SLC9B2: variants seen among roughly 807,000 people sequenced by gnomAD.
SLC9B2 encodes sodium/hydrogen exchanger 9B2.
In SLC9B2, 39 loss-of-function variants were observed where a neutral mutation model predicts 52.2. The observed-to-expected ratio is 0.75, with a 90% CI of 0.58 to 0.98. The LOEUF is 0.98. Among genes scored for constraint, SLC9B2 ranks in the 50% least tolerant of loss-of-function variants. SLC9B2 has a pLI of 0.00. For synonymous variants in SLC9B2, 214 were observed against 227.0 expected, an observed-to-expected ratio of 0.94 and a Z score of 0.51; for missense variants, 626 against 637.5, an observed-to-expected ratio of 0.98 and a Z score of 0.19.
chr4:103,051,507 G>A (rs956293413), intron 4 of SLC9B2, among the ~76,000 whole-genome samples: 12 of 152,222 alleles, frequency 7.9e-5, no homozygotes, highest in African/African-American at 2.9e-4. Context: ...AGTCTCGTAA[G>A]TTCTGAATGC....
intron 4 of SLC9B2, among the ~76,000 whole-genome samples, chr4:103,056,694 AC>A (rs1294333532): frequency 2.6e-5 from 4 of 152,246 alleles, no homozygotes; most frequent in African/African-American, 9.6e-5. Flanking sequence ...CAAATATACA[AC>A]CATCTTCACT....
intron 9 of SLC9B2, among the ~76,000 whole-genome samples, chr4:103,041,215 T>C (rs1227062778): frequency 6.6e-6 from 1 of 152,190 alleles, no homozygotes; most frequent in East Asian, 1.9e-4. Context: ...TATAACTATA[T>C]ATAAAGGAAT....
At position 103,065,967 on chromosome 4, in the gene SLC9B2, C is replaced by G. The variant is rs1746086971; in HGVS notation, c.271+360G>C. ...GCTGTGTTTGCTAAAATATTACTTG[C>G]ATTACTTAACAGTAATAACAACAAA... On this transcript the variant is annotated intron_variant, in intron 3 of 11. Coordinates refer to ENST00000394785, the MANE Select transcript of SLC9B2 (RefSeq NM_178833.7). 2.0e-5 allele frequency among the ~76,000 whole-genome samples: 3 copies of G among 152,188 alleles called. No homozygotes were observed. The South Asian group carries it at 6.2e-4, about 31-fold the overall frequency.
chr4:103,036,871 A>C (rs80256936), intron 9 of SLC9B2, among the ~76,000 whole-genome samples: 1 of 152,178 alleles, frequency 6.6e-6, no homozygotes, highest in Admixed American at 6.5e-5. Flanking sequence ...TTTGGATGAC[A>C]TTTCAATGCT....
At chr4:103,047,393 T>G (rs1374750879) in intron 6 of SLC9B2, among the ~76,000 whole-genome samples, 167 bp from the exon 7 acceptor site, 2 of 152,162 alleles carry the variant, frequency 1.3e-5, no homozygotes, top group Non-Finnish European at 2.9e-5. Context: ...TTTTGTTTTT[T>G]TTTCTTTTTT....
chr4:103,071,938 A>G (rs974198844), intron 1 of SLC9B2, among the ~76,000 whole-genome samples: 2 of 152,152 alleles, frequency 1.3e-5, no homozygotes, highest in African/African-American at 4.8e-5. Context: ...AGGTAACTTA[A>G]TAACACCTGC....
chr4:103,072,804 T>C (rs1409314231), intron 1 of SLC9B2, among the ~76,000 whole-genome samples: 1 of 152,206 alleles, frequency 6.6e-6, no homozygotes, highest in Non-Finnish European at 1.5e-5. Context: ...TATTGCTTGC[T>C]ATGGCTTGAA....
intron 6 of SLC9B2, chr4:103,048,685 T>C (rs1487516823): frequency 3.9e-6 from 2 of 515,732 alleles, no homozygotes. Context: ...TCTTCAACAG[T>C]TTGAATAGTA....
At chr4:103,034,773 A>G (rs1283630177) in intron 9 of SLC9B2, among the ~76,000 whole-genome samples, 1 of 152,162 alleles carries the variant, frequency 6.6e-6, no homozygotes, top group African/African-American at 2.4e-5. Flanking sequence ...ATCAGTCAGG[A>G]TGGCTATTAT....
rs189112915 is a variant in SLC9B2, at chr4:103,030,132, C to T, written c.1256-1249G>A. 2.3e-4 allele frequency among the ~76,000 whole-genome samples: 35 copies of T among 152,180 alleles called. No individual in the cohort carries two copies. In the East Asian group the frequency reaches 4.8e-3, roughly 21 times the overall value. ...GAAGGAAGTTTTAGTTGAGTTTGAA[C>T]GTTAACAGGACATACAAGTGGTGCT... is the stretch of plus-strand genomic sequence containing the variant. On this transcript the variant is annotated intron_variant, in intron 10 of 11. Coordinates refer to ENST00000394785, the MANE Select transcript of SLC9B2 (RefSeq NM_178833.7).
At chr4:103,067,426 G>A in intron 2 of SLC9B2, 35 bp downstream of exon 2, 3 of 1,565,954 alleles carry the variant, frequency 1.9e-6, no homozygotes, top group African/African-American at 2.7e-5. Context: ...GGTAGAATAT[G>A]AAGAAAACAC....
At chr4:103,056,906 G>C (rs1444550940) in intron 4 of SLC9B2, among the ~76,000 whole-genome samples, 1 of 152,140 alleles carries the variant, frequency 6.6e-6, no homozygotes, top group Non-Finnish European at 1.5e-5. Flanking sequence ...ATGAATGTTG[G>C]TTGATATTTT....
intron 8 of SLC9B2, 129 bp downstream of exon 8, chr4:103,044,761 T>C: frequency 2.7e-6 from 2 of 750,696 alleles, no homozygotes; most frequent in South Asian, 3.4e-5. Flanking sequence ...TGGATAGCAG[T>C]AAGCAATTTT....
Position 103,047,104 on chromosome 4 carries a change from T to G in SLC9B2, c.836A>C (p.Asp279Ala). The change falls in exon 7 of 12, where the codon GAC (aspartate) becomes GCC (alanine). Residue 279 changes from aspartate to alanine, a missense_variant. Coordinates refer to ENST00000394785, the MANE Select transcript of SLC9B2 (RefSeq NM_178833.7). ...TLLMAAGSFD[D>A]ILAITGFNTC... ...GTTGAAGCCAGTGATGGCCAGAATG[T>G]CATCGAAGCTGCCAGCTGCCATGAG... The G allele has an allele frequency of 6.2e-7, 1 of 1,614,074 alleles. No individual in the cohort carries two copies.
chr4:103,074,705 G>T (rs1746958811), intron 1 of SLC9B2, among the ~76,000 whole-genome samples: 1 of 152,172 alleles, frequency 6.6e-6, no homozygotes, highest in Non-Finnish European at 1.5e-5. Flanking sequence ...TTTGAATACT[G>T]AATGAAGAAA....
Position 103,044,989 on chromosome 4 carries a change from A to C in SLC9B2, c.897T>G (p.Thr299=). The change falls in exon 8 of 12, where the codon ACT becomes ACG. Residue 299 remains threonine, a synonymous_variant. Coordinates refer to ENST00000394785, the MANE Select transcript of SLC9B2 (RefSeq NM_178833.7). The part of the protein sequence containing the change: ...CLGIAFSTGS[T]VFNVLRGVLE... Reference sequence around the variant, plus strand: ...AAACTCCTCTGAGGACATTAAAGACAGTAGAGCCTGAAAAATATATTAAAA... The same window carrying C: ...AAACTCCTCTGAGGACATTAAAGACCGTAGAGCCTGAAAAATATATTAAAA... The C allele has an allele frequency of 6.2e-7, 1 of 1,609,508 alleles. No homozygotes were observed. Among genetic ancestry groups the C allele is most frequent in the East Asian group, 2.2e-5 (1 of 44,808 alleles).
intron 9 of SLC9B2, among the ~76,000 whole-genome samples, chr4:103,038,906 G>T (rs1743397194): frequency 3.3e-5 from 5 of 152,162 alleles, no homozygotes; most frequent in Admixed American, 3.3e-4. Context: ...ATGCTTATAA[G>T]ACCAAGCACA....
intron 1 of SLC9B2, among the ~76,000 whole-genome samples, chr4:103,070,590 G>A (rs188983217): frequency 1.3e-5 from 2 of 152,066 alleles, no homozygotes; most frequent in Non-Finnish European, 2.9e-5. Flanking sequence ...ACAGGTGCCC[G>A]CCACCTCGCC....
At chr4:103,061,745 C>A (rs952380761) in intron 3 of SLC9B2, among the ~76,000 whole-genome samples, 1 of 152,028 alleles carries the variant, frequency 6.6e-6, no homozygotes, top group Admixed American at 6.5e-5. Context: ...CTGCTACTTA[C>A]ACTTTGGTTT....
Sources: allele counts gnomAD v4.1 joint callset (sites outside exome capture counted in the v4.1 genomes callset), GRCh38; gene constraint gnomAD v4.1.1; transcripts MANE v1.5; gene names NCBI Gene and HGNC (gene_info 2026-07-23, HGNC 2026-07-21).